CLEC2D: variants seen among roughly 807,000 people sequenced by gnomAD.
CLEC2D encodes C-type lectin related f.
A neutral mutation model predicts 20.0 loss-of-function variants in CLEC2D; 16 were observed. That is an observed-to-expected ratio of 0.80 (90% CI 0.54 to 1.22). The LOEUF is 1.22. Ranked by LOEUF, CLEC2D falls within the 50% of genes most tolerant of loss-of-function variation. The probability of loss-of-function intolerance (pLI) is 0.00; values close to 1 mark genes in which losing one functional copy is unlikely to be tolerated. For missense variants in CLEC2D, 207 were observed against 221.5 expected (o/e 0.93, Z 0.42); for synonymous variants, 77 against 71.1 (o/e 1.08, Z -0.42).
At chr12:9,678,641 G>C (rs964031636) in intron 1 of CLEC2D, among the ~76,000 whole-genome samples, 2 of 152,126 alleles carry the variant, frequency 1.3e-5, no homozygotes, top group Non-Finnish European at 2.9e-5. Flanking sequence ...CTAGGCTCAA[G>C]TGATTCTCCT....
chr12:9,680,239 T>G (rs1456336037), intron 1 of CLEC2D: 1 of 334,648 alleles, frequency 3.0e-6, no homozygotes, highest in African/African-American at 2.1e-5. Flanking sequence ...TTGCTTCCTC[T>G]TCCACCATTA....
At chr12:9,679,815 A>G (rs1054345607) in intron 1 of CLEC2D, among the ~76,000 whole-genome samples, 1 of 152,228 alleles carries the variant, frequency 6.6e-6, no homozygotes, top group African/African-American at 2.4e-5. Context: ...ACCTAGATAA[A>G]TTAACTAGAG....
At chr12:9,673,275 G>C (rs907113550) in intron 1 of CLEC2D, among the ~76,000 whole-genome samples, 1 of 152,218 alleles carries the variant, frequency 6.6e-6, no homozygotes, top group Non-Finnish European at 1.5e-5. Flanking sequence ...AGATGTTGTT[G>C]TTGTTACTTT....
At chr12:9,693,845 A>G in intron 4 of CLEC2D, 1 of 441,438 alleles carries the variant, frequency 2.3e-6, no homozygotes, top group African/African-American at 2.1e-5. Context: ...TTACTCTGTT[A>G]CCCAGGCTGG....
chr12:9,675,279 C>T lies in CLEC2D; in HGVS notation c.61+5484C>T, dbSNP rs58646926. ...CGCAATCTCGGCTCACTGCAAGCTC[C>T]GCCTCCTGGGTTCACCCACCATTCT... On this transcript the variant is annotated intron_variant, in intron 1 of 4. Transcript: ENST00000290855. Among the ~76,000 whole-genome samples, 1,136 of 151,564 alleles carry T rather than the reference C, an allele frequency of 7.5e-3. 17 individuals carry two copies. The highest frequency in any genetic ancestry group is 0.026 in the African/African-American group (1,053 of 41,272).
At chr12:9,676,337 G>A (rs750626612) in intron 1 of CLEC2D, among the ~76,000 whole-genome samples, 6 of 152,032 alleles carry the variant, frequency 3.9e-5, no homozygotes, top group African/African-American at 9.7e-5. Context: ...TAGTTTACTG[G>A]GAGTTTTTGT....
intron 2 of CLEC2D, among the ~76,000 whole-genome samples, chr12:9,684,180 T>G (rs1865705260): frequency 6.6e-6 from 1 of 152,214 alleles, no homozygotes; most frequent in Non-Finnish European, 1.5e-5. Context: ...TCTGTTTGTC[T>G]GTTATTGGTG....
rs904012492 is a variant in CLEC2D, at chr12:9,694,856, A to G, written c.558A>G (p.Lys186=). The G allele has an allele frequency of 3.1e-6, 5 of 1,593,756 alleles. No individual in the cohort carries two copies. The highest frequency in any genetic ancestry group is 4.3e-6 in the Non-Finnish European group (5 of 1,161,824). ...HYTERKWICS[K]SDIHV The stretch of plus-strand genomic sequence containing the variant: ...CAGAGAGGAAGTGGATTTGTTCCAA[A>G]TCAGATATACATGTCTAGATGTTAC... The change falls in exon 5 of 5, where the codon AAA becomes AAG. Residue 186 remains lysine, a synonymous_variant. Coordinates refer to ENST00000290855, the MANE Select transcript of CLEC2D (RefSeq NM_013269.6).
At chr12:9,681,998 G>A (rs980742461) in intron 2 of CLEC2D, among the ~76,000 whole-genome samples, 2 of 152,142 alleles carry the variant, frequency 1.3e-5, no homozygotes, top group Non-Finnish European at 1.5e-5. Context: ...TATTAATCAA[G>A]GGAATGTATT....
In CLEC2D at chr12:9,695,568, A is replaced by T; in HGVS notation, c.*694A>T. 1 of 1,424,142 alleles carries T rather than the reference A, an allele frequency of 7.0e-7. No individual in the cohort carries two copies. The highest frequency in any genetic ancestry group is 9.8e-7 in the Non-Finnish European group (1 of 1,022,636). 88.2% of individuals were successfully genotyped at this position (1,424,142 alleles called of 1,614,324 possible). On this transcript the variant is annotated 3_prime_UTR_variant, in exon 5 of 5. Transcript: ENST00000290855. ...AGGATGAACTGCACATTGTTGAAGC[A>T]GAGGCCATGAATGACGAAGGCAGTC...
At position 9,699,199 on chromosome 12, in the gene CLEC2D, A is replaced by AC. The variant is rs1866070105; in HGVS notation, c.*4329dup. The AC allele has an allele frequency of 6.6e-6, 1 of 151,692 alleles. No homozygotes were observed. Among genetic ancestry groups the AC allele is most frequent in the Admixed American group, 6.6e-5 (1 of 15,202 alleles). The allele number at this position is 151,692 out of a possible 1,614,324, so 9.4% of individuals were successfully genotyped here. The stretch of plus-strand genomic sequence containing the variant: ...AGGACAAGGGTATATCACCATCTAT[A>AC]CCCCATTGCTTGGTGGGGTGATCAC... On this transcript the variant is annotated 3_prime_UTR_variant, in exon 5 of 5. Transcript: ENST00000290855.
At chr12:9,681,764 A>G (rs762842429) in intron 2 of CLEC2D, among the ~76,000 whole-genome samples, 86 of 152,240 alleles carry the variant, frequency 5.6e-4, no homozygotes, top group Non-Finnish European at 1.1e-3. Flanking sequence ...CTTAAGAGTC[A>G]GCAATACTTG....
intron 1 of CLEC2D, among the ~76,000 whole-genome samples, chr12:9,679,381 G>A (rs1865588843): frequency 6.6e-6 from 1 of 151,934 alleles, no homozygotes; most frequent in Non-Finnish European, 1.5e-5. Flanking sequence ...CTGGCAACAA[G>A]TTATCTCAAT....
rs1292161624 is a variant in CLEC2D, at chr12:9,695,265, T to G, written c.*391T>G. The G allele has an allele frequency of 3.0e-6, 2 of 668,730 alleles. No individual in the cohort carries two copies. Among genetic ancestry groups the G allele is most frequent in the East Asian group, 2.7e-5 (1 of 37,226 alleles). The allele number at this position is 668,730 out of a possible 1,614,324, so 41.4% of individuals were successfully genotyped here. ...CTATTTATACAACCATCAGATATCT[T>G]GAGACAAGAACAGTATGGGGCTCCC... On this transcript the variant is annotated 3_prime_UTR_variant, in exon 5 of 5. Transcript: ENST00000290855.
chr12:9,681,240 A>G (rs1476273968), intron 2 of CLEC2D, among the ~76,000 whole-genome samples: 1 of 152,214 alleles, frequency 6.6e-6, no homozygotes, highest in Non-Finnish European at 1.5e-5. Flanking sequence ...AGATGATCAG[A>G]GTCTTCAGAA....
Position 9,695,305 on chromosome 12 carries a change from CCTGCGCGG to C in CLEC2D, c.*435_*442del. The stretch of plus-strand genomic sequence containing the variant: ...ATGGGGCTCCCTGGTGTGATTCCGT[CCTGCGCGG>C]CTGTTCTCTGGAGCAGCATTCATTT... On this transcript the variant is annotated 3_prime_UTR_variant, in exon 5 of 5. Coordinates refer to ENST00000290855, the MANE Select transcript of CLEC2D (RefSeq NM_013269.6). 1.3e-6 allele frequency: 1 copy of C among 773,966 alleles called. No homozygotes were observed. Among genetic ancestry groups the C allele is most frequent in the Non-Finnish European group, 2.3e-6 (1 of 441,364 alleles). The allele number at this position is 773,966 out of a possible 1,614,324, so 47.9% of individuals were successfully genotyped here.
In CLEC2D at chr12:9,698,333, C is replaced by T. The variant is rs1025098912; in HGVS notation, c.*3459C>T. ...CAATAGATCTCAAAAGCTTATTCCT[C>T]TTAACTGAAACCTACTACCCTGTGA... is the stretch of plus-strand genomic sequence containing the variant. On this transcript the variant is annotated 3_prime_UTR_variant, in exon 5 of 5. Coordinates refer to ENST00000290855, the MANE Select transcript of CLEC2D (RefSeq NM_013269.6). The T allele has an allele frequency of 1.3e-5, 2 of 152,194 alleles. No homozygotes were observed. The highest frequency in any genetic ancestry group is 4.8e-5 in the African/African-American group (2 of 41,452). The allele number at this position is 152,194 out of a possible 1,614,324, so 9.4% of individuals were successfully genotyped here.
intron 1 of CLEC2D, among the ~76,000 whole-genome samples, chr12:9,672,636 G>A (rs1470369929): frequency 1.3e-5 from 2 of 152,068 alleles, no homozygotes; most frequent in African/African-American, 4.8e-5. Flanking sequence ...AGTTCTCCTG[G>A]ATTATATCCT....
chr12:9,676,156 G>T (rs1314441849), intron 1 of CLEC2D, among the ~76,000 whole-genome samples: 1 of 152,062 alleles, frequency 6.6e-6, no homozygotes, highest in Non-Finnish European at 1.5e-5. Context: ...TTGTCTTACT[G>T]CATTATCTGG....
Sources: gnomAD v4.1 joint callset for allele counts (sites outside exome capture counted in the v4.1 genomes callset) on GRCh38, gnomAD v4.1.1 for gene constraint, MANE v1.5 for transcripts, NCBI Gene and HGNC (gene_info 2026-07-23, HGNC 2026-07-21) for gene names.